The following ERBB4 variants were observed in gnomAD, a reference collection of about 807,000 sequenced individuals.
The protein encoded by ERBB4 is receptor tyrosine-protein kinase erbB-4.
A neutral mutation model predicts 158.0 loss-of-function variants in ERBB4; 42 were observed. The ratio of observed to expected loss-of-function variants is 0.27; its 90% CI spans 0.21 to 0.34. ERBB4 has a LOEUF of 0.34. Among genes scored for constraint, ERBB4 ranks in the 10% least tolerant of loss-of-function variants. The pLI, the probability that ERBB4 is intolerant of heterozygous loss-of-function variation, is 1.00. For missense variants in ERBB4, 1,333 were observed against 1,624.1 expected (o/e 0.82, Z 3.08); for synonymous variants, 583 against 558.7 (o/e 1.04, Z -0.61).
intron 25 of ERBB4, among the ~76,000 whole-genome samples, chr2:211,397,525 G>A (rs542957417): frequency 6.6e-6 from 1 of 152,220 alleles, no homozygotes; most frequent in Non-Finnish European, 1.5e-5. Context: ...CTTTCTTCAG[G>A]ATGATACAGC....
chr2:211,788,666 G>A (rs1221143327), intron 3 of ERBB4, among the ~76,000 whole-genome samples: 1 of 152,058 alleles, frequency 6.6e-6, no homozygotes, highest in Non-Finnish European at 1.5e-5. Context: ...TTCCACACAT[G>A]ACATTCCAAG....
At chr2:212,183,606 C>T (rs2081936134) in intron 1 of ERBB4, among the ~76,000 whole-genome samples, 1 of 151,998 alleles carries the variant, frequency 6.6e-6, no homozygotes, top group South Asian at 2.1e-4. Context: ...TACCTTTTAA[C>T]TTTCTATTCA....
chr2:211,743,198 T>C (rs1482926338), intron 5 of ERBB4, among the ~76,000 whole-genome samples: 1 of 152,206 alleles, frequency 6.6e-6, no homozygotes, highest in African/African-American at 2.4e-5. Context: ...ACATCACTTA[T>C]AAAGCAACTT....
At chr2:211,727,405 T>A (rs1173728363) in intron 5 of ERBB4, among the ~76,000 whole-genome samples, 1 of 152,112 alleles carries the variant, frequency 6.6e-6, no homozygotes, top group African/African-American at 2.4e-5. Context: ...TTGTCTTACT[T>A]AAGTTTTAAT....
At chr2:212,471,447 A>G (rs1689113402) in intron 1 of ERBB4, among the ~76,000 whole-genome samples, 1 of 151,928 alleles carries the variant, frequency 6.6e-6, no homozygotes, top group South Asian at 2.1e-4. Context: ...TATTCTTGCA[A>G]TTGCTATTAC....
intron 3 of ERBB4, among the ~76,000 whole-genome samples, chr2:211,946,762 A>G (rs2080710781): frequency 1.3e-5 from 2 of 151,924 alleles, no homozygotes; most frequent in South Asian, 4.2e-4. Context: ...ACCCTGAGCT[A>G]TGTGAACTGA....
At chr2:212,219,239 T>C (rs1424559210) in intron 1 of ERBB4, among the ~76,000 whole-genome samples, 1 of 151,396 alleles carries the variant, frequency 6.6e-6, no homozygotes, top group Non-Finnish European at 1.5e-5. Flanking sequence ...TCTTATTTTG[T>C]CCTCTAAACA....
intron 20 of ERBB4, among the ~76,000 whole-genome samples, chr2:211,525,221 G>A (rs2066312995): frequency 6.6e-6 from 1 of 152,146 alleles, no homozygotes; most frequent in African/African-American, 2.4e-5. Context: ...AGCTAAGGAA[G>A]TGCTTGAACC....
intron 3 of ERBB4, among the ~76,000 whole-genome samples, chr2:211,912,025 A>G (rs1009814959): frequency 6.6e-6 from 1 of 152,070 alleles, no homozygotes; most frequent in African/African-American, 2.4e-5. Flanking sequence ...ATTTTTCTAA[A>G]GAGGTTTTTG....
chr2:211,772,922 CACATATAT>C (rs1182842233), intron 4 of ERBB4, among the ~76,000 whole-genome samples: 1 of 40,082 alleles, frequency 2.5e-5, no homozygotes, highest in Admixed American at 2.4e-4. Flanking sequence ...CACACACACA[CACATATAT>C]ATATATATAT....
chr2:212,165,824 T>C (rs192735560), intron 1 of ERBB4, among the ~76,000 whole-genome samples: 1 of 152,208 alleles, frequency 6.6e-6, no homozygotes, highest in African/African-American at 2.4e-5. Flanking sequence ...TTGGATTCTC[T>C]GTTACATAAA....
At chr2:211,435,392 T>C (rs2063827298) in intron 20 of ERBB4, among the ~76,000 whole-genome samples, 1 of 152,216 alleles carries the variant, frequency 6.6e-6, no homozygotes, top group South Asian at 2.1e-4. Flanking sequence ...CTTAATCCTA[T>C]GAGATGAACA....
intron 1 of ERBB4, among the ~76,000 whole-genome samples, chr2:212,160,584 C>A (rs138907562): frequency 6.6e-6 from 1 of 151,944 alleles, no homozygotes; most frequent in East Asian, 1.9e-4. Context: ...ATTTTTATGA[C>A]GCAGTCATGG....
At chr2:212,521,267 GTCTC>G (rs1313971010) in intron 1 of ERBB4, among the ~76,000 whole-genome samples, 2 of 151,780 alleles carry the variant, frequency 1.3e-5, no homozygotes, top group South Asian at 2.1e-4. Flanking sequence ...GAACAAAACT[GTCTC>G]TCTAAGCTCT....
chr2:211,955,947 C>T lies in ERBB4; in HGVS notation c.235-8331G>A, dbSNP rs536905951. On this transcript the variant is annotated intron_variant, in intron 2 of 27. Coordinates refer to ENST00000342788, the MANE Select transcript of ERBB4 (RefSeq NM_005235.3). ...ACTAAGTTGGAAGCTTTGGTAGATT[C>T]ATTTACATAATAACACAAACTTTCA... is the stretch of plus-strand genomic sequence containing the variant. Among the ~76,000 whole-genome samples, 8 of 151,810 alleles carry T rather than the reference C, an allele frequency of 5.3e-5. No homozygotes were observed. The South Asian group carries it at 1.2e-3, about 24-fold the overall frequency.
At chr2:212,101,824 C>T (rs574955093) in intron 2 of ERBB4, among the ~76,000 whole-genome samples, 11 of 151,760 alleles carry the variant, frequency 7.2e-5, no homozygotes, top group African/African-American at 2.7e-4. Flanking sequence ...CTTCCTCTCC[C>T]GCTGGAAGCT....
At chr2:212,046,511 A>G (rs546622960) in intron 2 of ERBB4, among the ~76,000 whole-genome samples, 7 of 152,336 alleles carry the variant, frequency 4.6e-5, no homozygotes, top group African/African-American at 1.7e-4. Context: ...TATCACTCCC[A>G]TATGAGTTTC....
intron 15 of ERBB4, 142 bp downstream of exon 15, chr2:211,665,181 A>G (rs2071580086): frequency 2.3e-6 from 2 of 874,646 alleles, no homozygotes; most frequent in Non-Finnish European, 3.8e-6. Flanking sequence ...TTCTCTCAGT[A>G]TTTCTCTTAA....
At chr2:212,077,818 C>T (rs1436276344) in intron 2 of ERBB4, among the ~76,000 whole-genome samples, 1 of 152,034 alleles carries the variant, frequency 6.6e-6, no homozygotes, top group Non-Finnish European at 1.5e-5. Flanking sequence ...TTAGACCTGC[C>T]TTCTCCATGA....
Sources: allele counts gnomAD v4.1 joint callset (sites outside exome capture counted in the v4.1 genomes callset), GRCh38; gene constraint gnomAD v4.1.1; transcripts MANE v1.5; gene names NCBI Gene and HGNC (gene_info 2026-07-23, HGNC 2026-07-21).